Variants in TTC29 observed in about 807,000 individuals in gnomAD.
TTC29 encodes the protein tetratricopeptide repeat protein 29.
In TTC29, 49 loss-of-function variants were observed where a neutral mutation model predicts 58.1. The observed-to-expected ratio is 0.84, with a 90% confidence interval of 0.67 to 1.07. The LOEUF is 1.07. TTC29 is among the 50% of genes least tolerant of loss of function. The probability of loss-of-function intolerance (pLI) is 0.00; values close to 1 mark genes in which losing one functional copy is unlikely to be tolerated. For synonymous variants in TTC29, 209 were observed against 196.8 expected, an observed-to-expected ratio of 1.06 and a Z score of -0.52; for missense variants, 582 against 555.6, an observed-to-expected ratio of 1.05 and a Z score of -0.48.
Position 146,935,010 on chromosome 4 carries a change from G to A in TTC29, c.176+2584C>T, listed in dbSNP as rs116677281. 8.7e-3 allele frequency among the ~76,000 whole-genome samples: 1,318 copies of A among 152,052 alleles called. 18 individuals are homozygous for A. The highest frequency in any genetic ancestry group is 0.03 in the African/African-American group (1,246 of 41,454). ...ATCAAAATGGGGTAGAACCTGGAAG[G>A]GGATAAGATGTCAAGAAAAAAGTTT... On this transcript the variant is annotated intron_variant, in intron 4 of 12. Transcript: ENST00000325106.
intron 11 of TTC29, among the ~76,000 whole-genome samples, chr4:146,720,831 A>G (rs1320677468): frequency 1.3e-5 from 2 of 152,088 alleles, no homozygotes; most frequent in Admixed American, 6.6e-5. Context: ...TGGTAGTAAT[A>G]TGGTTTATGT....
At chr4:146,931,424 A>T (rs1735328252) in intron 4 of TTC29, among the ~76,000 whole-genome samples, 1 of 152,222 alleles carries the variant, frequency 6.6e-6, no homozygotes, top group Non-Finnish European at 1.5e-5. Context: ...ATGATAATTA[A>T]TAATAGTCTG....
intron 6 of TTC29, among the ~76,000 whole-genome samples, chr4:146,895,933 T>A (rs6814161): frequency 0.097 from 14,758 of 152,116 alleles, 884 homozygotes; most frequent in East Asian, 0.19. Flanking sequence ...TCTCAAAAAA[T>A]TTATTTTTAA....
At chr4:146,760,893 T>C (rs1237014492) in intron 11 of TTC29, among the ~76,000 whole-genome samples, 2 of 150,048 alleles carry the variant, frequency 1.3e-5, no homozygotes, top group Non-Finnish European at 3.0e-5. Flanking sequence ...GATGGAATAC[T>C]ACACAGCCAT....
chr4:146,895,887 T>A (rs966744498), intron 6 of TTC29, among the ~76,000 whole-genome samples: 1 of 152,194 alleles, frequency 6.6e-6, no homozygotes, highest in Non-Finnish European at 1.5e-5. Context: ...GCCCATATTT[T>A]CTACTTGTTT....
chr4:146,800,374 C>T (rs1473759511), intron 11 of TTC29, among the ~76,000 whole-genome samples: 1 of 152,162 alleles, frequency 6.6e-6, no homozygotes. Context: ...ATGGAAGTCT[C>T]AGAGGTGAAG....
chr4:146,830,572 C>T (rs1321872126), intron 9 of TTC29, among the ~76,000 whole-genome samples: 3 of 152,170 alleles, frequency 2.0e-5, no homozygotes, highest in Non-Finnish European at 4.4e-5. Flanking sequence ...ATTAGTGAAA[C>T]TTGTGCAATT....
intron 8 of TTC29, among the ~76,000 whole-genome samples, chr4:146,844,009 A>G (rs1261035335): frequency 6.6e-6 from 1 of 152,258 alleles, no homozygotes; most frequent in Non-Finnish European, 1.5e-5. Context: ...TGTAATAATC[A>G]GTGCTGTACA....
chr4:146,828,767 G>C (rs1424935991), intron 9 of TTC29, among the ~76,000 whole-genome samples: 1 of 152,114 alleles, frequency 6.6e-6, no homozygotes, highest in African/African-American at 2.4e-5. Flanking sequence ...TCTGGAACTT[G>C]CTCTAACAAA....
intron 5 of TTC29, among the ~76,000 whole-genome samples, chr4:146,907,290 G>A (rs1733585403): frequency 6.6e-6 from 1 of 152,052 alleles, no homozygotes; most frequent in Admixed American, 6.6e-5. Flanking sequence ...TGACAAGCTG[G>A]CTCACATCTA....
intron 8 of TTC29, among the ~76,000 whole-genome samples, chr4:146,843,994 T>C (rs1487954246): frequency 2.0e-5 from 3 of 152,176 alleles, no homozygotes; most frequent in African/African-American, 7.2e-5. Context: ...TAAACAGCAG[T>C]TAAATGTAAT....
intron 2 of TTC29, 111 bp from the exon 3 acceptor site, chr4:146,940,012 G>T: frequency 1.0e-6 from 1 of 1,001,132 alleles, no homozygotes; most frequent in Non-Finnish European, 1.4e-6. Context: ...GAATGCCTAT[G>T]TGTAGTGCTA....
At chr4:146,915,356 C>G (rs1725014974) in intron 4 of TTC29, among the ~76,000 whole-genome samples, 3 of 152,012 alleles carry the variant, frequency 2.0e-5, no homozygotes, top group Admixed American at 2.0e-4. Context: ...AAGCCATTCT[C>G]TTTATCCATG....
intron 11 of TTC29, among the ~76,000 whole-genome samples, chr4:146,755,084 A>G (rs1443259413): frequency 1.3e-5 from 2 of 152,148 alleles, no homozygotes; most frequent in East Asian, 1.9e-4. Context: ...TAGGATTTCT[A>G]TACACAAATA....
At position 146,801,131 on chromosome 4, in the gene TTC29, G is replaced by A. The variant is rs2150115669; in HGVS notation, c.1330+2326C>T. Among the ~76,000 whole-genome samples the A allele has an allele frequency of 1.3e-5, 2 of 152,284 alleles. 1 individual carries two copies. On this transcript the variant is annotated intron_variant, in intron 11 of 12. Coordinates refer to ENST00000325106, the MANE Select transcript of TTC29 (RefSeq NM_031956.4). The stretch of plus-strand genomic sequence containing the variant: ...GGGAGGGAAGTGGTCAGAAAAGATT[G>A]AGAAGCTTGTATTTAATGAACAGGC...
rs1404974014 is a variant in TTC29 at position 146,786,765 on chromosome 4, A to G, written c.1330+16692T>C. ...CACATAACATTTAGAAAATCTGTAT[A>G]AATTTTAGAAGCTAATATTTAGGCC... On this transcript the variant is annotated intron_variant, in intron 11 of 12. Coordinates refer to ENST00000325106, the MANE Select transcript of TTC29 (RefSeq NM_031956.4). Among the ~76,000 whole-genome samples the G allele has an allele frequency of 2.0e-5, 3 of 152,188 alleles. 1 individual carries two copies. The South Asian group carries it at 6.2e-4, about 31-fold the overall frequency.
At chr4:146,775,828 T>G (rs1223869935) in intron 11 of TTC29, among the ~76,000 whole-genome samples, 1 of 152,194 alleles carries the variant, frequency 6.6e-6, no homozygotes, top group Non-Finnish European at 1.5e-5. Flanking sequence ...TTTTCATGGA[T>G]GAAATCCTAA....
intron 6 of TTC29, among the ~76,000 whole-genome samples, chr4:146,875,463 T>C (rs1356495556): frequency 6.6e-6 from 1 of 152,114 alleles, no homozygotes; most frequent in Non-Finnish European, 1.5e-5. Context: ...CAATATCCTC[T>C]ACTGCTTTTC....
rs41280531 is a variant in TTC29 at position 146,819,912 on chromosome 4, G to A, written c.1101+213C>T. Among the ~76,000 whole-genome samples, 9,360 of 152,134 alleles carry A rather than the reference G, an allele frequency of 0.062. 398 individuals are homozygous for A. Among genetic ancestry groups the A allele is most frequent in the Admixed American group, 0.13 (1,953 of 15,272 alleles). ...TTAGCAGCTCATAAGGACTGTCCCC[G>A]CATGGCCCTAAGATATTGGAAAAGG... On this transcript the variant is annotated intron_variant, in intron 10 of 12. Coordinates refer to ENST00000325106, the MANE Select transcript of TTC29 (RefSeq NM_031956.4).
Sources: gnomAD v4.1 joint callset for allele counts (sites outside exome capture counted in the v4.1 genomes callset) on GRCh38, gnomAD v4.1.1 for gene constraint, MANE v1.5 for transcripts, NCBI Gene and HGNC (gene_info 2026-07-23, HGNC 2026-07-21) for gene names.